UQCC1: variants seen among roughly 807,000 people sequenced by gnomAD.
The protein encoded by UQCC1 is bFGF-repressed Zic-binding protein.
Under a neutral mutation model 48.0 loss-of-function variants are expected in UQCC1, and 38 were observed. The observed-to-expected ratio is 0.79, with a 90% CI of 0.61 to 1.04. The LOEUF (loss-of-function observed/expected upper bound fraction) is 1.04. UQCC1 is among the 50% of genes least tolerant of loss of function. UQCC1 has a pLI of 0.00. For synonymous variants in UQCC1, 111 were observed against 129.2 expected, an observed-to-expected ratio of 0.86 and a Z score of 0.95; for missense variants, 368 against 381.8, an observed-to-expected ratio of 0.96 and a Z score of 0.30.
chr20:35,364,669 G>A (rs988516944), intron 6 of UQCC1, among the ~76,000 whole-genome samples: 10 of 152,160 alleles, frequency 6.6e-5, no homozygotes, highest in Admixed American at 3.9e-4. Context: ...TTGAACTGGG[G>A]GTGGTACACC....
chr20:35,373,502 A>G (rs1381814012), intron 5 of UQCC1, among the ~76,000 whole-genome samples: 1 of 152,126 alleles, frequency 6.6e-6, no homozygotes, highest in Non-Finnish European at 1.5e-5. Context: ...AACATGGTGA[A>G]ACCCCATGTC....
chr20:35,343,558 G>A (rs2146378792), intron 7 of UQCC1, among the ~76,000 whole-genome samples: 1 of 152,318 alleles, frequency 6.6e-6, no homozygotes, highest in African/African-American at 2.4e-5. Flanking sequence ...TTTATGCCAT[G>A]AGGTTAGAAA....
intron 1 of UQCC1, among the ~76,000 whole-genome samples, chr20:35,404,157 G>A (rs190433071): frequency 7.9e-4 from 120 of 152,206 alleles, no homozygotes; most frequent in African/African-American, 2.6e-3. Context: ...CGAGGCGGGC[G>A]GATCACGAGG....
In UQCC1 at chr20:35,302,980, A is replaced by AG. The variant is rs1224388576; in HGVS notation, c.*954dup. On this transcript the variant is annotated 3_prime_UTR_variant, in exon 10 of 10. Coordinates refer to ENST00000374385, the MANE Select transcript of UQCC1 (RefSeq NM_018244.5). Reference sequence around the variant, plus strand: ...AAGAGATGACCCGCACTGAGGGAGGAGGGGCTGGTCCTCAGGTGCTCAGAC... The same window carrying AG: ...AAGAGATGACCCGCACTGAGGGAGGAGGGGGCTGGTCCTCAGGTGCTCAGAC... 1.3e-5 allele frequency: 2 copies of AG among 151,942 alleles called. No homozygotes were observed. The highest frequency in any genetic ancestry group is 4.8e-5 in the African/African-American group (2 of 41,320). 9.4% of individuals were successfully genotyped at this position (151,942 alleles called of 1,614,324 possible).
intron 1 of UQCC1, among the ~76,000 whole-genome samples, chr20:35,397,018 G>A (rs2062088059): frequency 6.6e-6 from 1 of 151,916 alleles, no homozygotes; most frequent in African/African-American, 2.4e-5. Context: ...CATGGATTCA[G>A]CCACCCACAG....
intron 2 of UQCC1, among the ~76,000 whole-genome samples, chr20:35,388,546 G>A (rs1440266131): frequency 6.6e-6 from 1 of 151,986 alleles, no homozygotes; most frequent in Non-Finnish European, 1.5e-5. Flanking sequence ...CAGAAGTGCT[G>A]AGATTACAGG....
At chr20:35,345,246 A>G (rs2061419955) in intron 7 of UQCC1, 2 of 152,264 alleles carry the variant, frequency 1.3e-5, no homozygotes, top group Non-Finnish European at 2.9e-5. Flanking sequence ...GTTGGCCAGA[A>G]GCACAGGTAA....
At chr20:35,337,265 T>A (rs1243004194) in intron 7 of UQCC1, among the ~76,000 whole-genome samples, 1 of 151,900 alleles carries the variant, frequency 6.6e-6, no homozygotes, top group Non-Finnish European at 1.5e-5. Context: ...CTAGGCTCAC[T>A]GCAACCTCCA....
intron 7 of UQCC1, among the ~76,000 whole-genome samples, chr20:35,319,262 A>T (rs937277818): frequency 6.6e-6 from 1 of 152,212 alleles, no homozygotes; most frequent in African/African-American, 2.4e-5. Context: ...ACTTAATTAA[A>T]TTTTTATTGA....
rs182078841 is a variant in UQCC1, at chr20:35,393,033, C to A, written c.129+1059G>T. Among the ~76,000 whole-genome samples, 4 of 151,612 alleles carry A rather than the reference C, an allele frequency of 2.6e-5. No homozygotes were observed. In the East Asian group the frequency reaches 7.8e-4, roughly 29 times the overall value. On this transcript the variant is annotated intron_variant, in intron 2 of 9. Coordinates refer to ENST00000374385, the MANE Select transcript of UQCC1 (RefSeq NM_018244.5). ...ACCCTGAGAGCTAAACAAAGAAATA[C>A]AAGGTAAAACAAGGTAACATTTCTT...
At chr20:35,400,540 G>C (rs1287368405) in intron 1 of UQCC1, among the ~76,000 whole-genome samples, 1 of 149,158 alleles carries the variant, frequency 6.7e-6, no homozygotes, top group Admixed American at 6.7e-5. Flanking sequence ...CCGTTGCCCA[G>C]GCTGGAGTGC....
At chr20:35,307,088 A>G (rs1016267358) in intron 8 of UQCC1, 1 of 426,222 alleles carries the variant, frequency 2.3e-6, no homozygotes, top group African/African-American at 2.0e-5. Flanking sequence ...GCAACACTTG[A>G]GAGGCTGAGA....
chr20:35,411,916 G>A (rs1015078609), intron 1 of UQCC1, 24 bp downstream of exon 1: 8 of 1,614,092 alleles, frequency 5.0e-6, no homozygotes, highest in Non-Finnish European at 5.9e-6. Context: ...GAGAGCTACC[G>A]TAGAAAATTA....
rs543226671 is a variant in UQCC1 at position 35,336,661 on chromosome 20, G to A, written c.573+10503C>T. 4.7e-4 allele frequency among the ~76,000 whole-genome samples: 71 copies of A among 152,152 alleles called. 2 individuals carry two copies. In the South Asian group the frequency reaches 0.01, roughly 22 times the overall value. ...CCATGAAACTGATTTCTGGCCTCCG[G>A]TACTGTAAGAGAATAAATTTTTGTT... is the stretch of plus-strand genomic sequence containing the variant. On this transcript the variant is annotated intron_variant, in intron 7 of 9. Transcript: ENST00000374385.
At chr20:35,340,556 C>T (rs529503253) in intron 7 of UQCC1, among the ~76,000 whole-genome samples, 5 of 152,298 alleles carry the variant, frequency 3.3e-5, no homozygotes, top group Admixed American at 3.3e-4. Flanking sequence ...GTGATCACAG[C>T]TCACTGCAAC....
chr20:35,394,478 T>C (rs995967544), intron 1 of UQCC1, among the ~76,000 whole-genome samples: 7 of 151,652 alleles, frequency 4.6e-5, no homozygotes, highest in African/African-American at 1.5e-4. Flanking sequence ...GAGTAGAGGG[T>C]TGGAACTCAG....
At chr20:35,352,831 C>T (rs952277883) in intron 6 of UQCC1, among the ~76,000 whole-genome samples, 10 of 152,088 alleles carry the variant, frequency 6.6e-5, no homozygotes, top group South Asian at 2.1e-4. Flanking sequence ...TACGGGTGCA[C>T]GCCACTGAGC....
intron 2 of UQCC1, among the ~76,000 whole-genome samples, chr20:35,391,726 A>T (rs908278809): frequency 7.4e-5 from 2 of 26,954 alleles, no homozygotes; most frequent in East Asian, 2.3e-3. Context: ...GGACATTCAT[A>T]AAAAAAAAAA....
intron 6 of UQCC1, among the ~76,000 whole-genome samples, chr20:35,362,407 G>A (rs1417860185): frequency 6.6e-6 from 1 of 152,124 alleles, no homozygotes; most frequent in Non-Finnish European, 1.5e-5. Context: ...GTCTAGGCCG[G>A]AGTGCGTGGC....
Sources: gnomAD v4.1 joint callset for allele counts (sites outside exome capture counted in the v4.1 genomes callset) on GRCh38, gnomAD v4.1.1 for gene constraint, MANE v1.5 for transcripts, NCBI Gene and HGNC (gene_info 2026-07-23, HGNC 2026-07-21) for gene names.